XKR4: variants seen among roughly 807,000 people sequenced by gnomAD.
The protein encoded by XKR4 is XK-related protein 4.
A neutral mutation model predicts 53.9 loss-of-function variants in XKR4; 12 were observed. The observed-to-expected ratio is 0.22, with a 90% CI of 0.14 to 0.36. The LOEUF (loss-of-function observed/expected upper bound fraction) is 0.36, where lower values mean the gene tolerates loss of function less well. Ranked by LOEUF, XKR4 falls within the 10% of genes least tolerant of loss-of-function variation. The pLI is 1.00. For missense variants in XKR4, 799 were observed against 859.5 expected, an observed-to-expected ratio of 0.93 and a Z score of 0.88; for synonymous variants, 354 against 362.4, an observed-to-expected ratio of 0.98 and a Z score of 0.26.
At chr8:55,416,310 A>C (rs886145337) in intron 2 of XKR4, among the ~76,000 whole-genome samples, 2 of 152,238 alleles carry the variant, frequency 1.3e-5, no homozygotes, top group African/African-American at 2.4e-5. Flanking sequence ...CGGTGATGTT[A>C]TAGAAGAAAC....
intron 1 of XKR4, among the ~76,000 whole-genome samples, chr8:55,296,985 T>C (rs1819110436): frequency 6.6e-6 from 1 of 152,216 alleles, no homozygotes; most frequent in Non-Finnish European, 1.5e-5. Flanking sequence ...TGCTTAACGA[T>C]TGAGGGTCTC....
At chr8:55,302,134 A>C (rs1458130714) in intron 1 of XKR4, among the ~76,000 whole-genome samples, 2 of 152,216 alleles carry the variant, frequency 1.3e-5, no homozygotes, top group South Asian at 2.1e-4. Flanking sequence ...TTTAGGTCTA[A>C]CATTTAAGTC....
At chr8:55,321,232 A>G (rs1243666309) in intron 1 of XKR4, among the ~76,000 whole-genome samples, 1 of 152,146 alleles carries the variant, frequency 6.6e-6, no homozygotes, top group Non-Finnish European at 1.5e-5. Flanking sequence ...ATTCTTTGTC[A>G]TTAGTTTCAA....
chr8:55,318,325 G>A (rs1318987520), intron 1 of XKR4, among the ~76,000 whole-genome samples: 1 of 152,170 alleles, frequency 6.6e-6, no homozygotes, highest in African/African-American at 2.4e-5. Context: ...ATCAATAAAT[G>A]GTTGTTATGG....
At chr8:55,426,437 G>A (rs2129393014) in intron 2 of XKR4, among the ~76,000 whole-genome samples, 1 of 152,150 alleles carries the variant, frequency 6.6e-6, no homozygotes, top group East Asian at 1.9e-4. Flanking sequence ...TGGGTTTGGT[G>A]CCCTTACTGT....
At chr8:55,434,410 CGTGTGTGTGTGT>C (rs10598891) in intron 2 of XKR4, among the ~76,000 whole-genome samples, 22 of 148,250 alleles carry the variant, frequency 1.5e-4, no homozygotes, top group Non-Finnish European at 2.5e-4. Flanking sequence ...TGATACCAAT[CGTGTGTGTGTGT>C]GTGTGTGTGT....
rs766777072 is a variant in XKR4, at chr8:55,529,687, G to T, written c.*5460G>T. 6.6e-6 allele frequency: 1 copy of T among 152,150 alleles called. No individual in the cohort carries two copies. The highest frequency in any genetic ancestry group is 1.5e-5 in the Non-Finnish European group (1 of 68,040). The allele number at this position is 152,150 out of a possible 1,614,324, so 9.4% of individuals were successfully genotyped here. ...CAGCTTTCAACAACTGCGACTTCTGGGAGCCCAGTGACTCTTCCCACAAAA... is the reference window on the plus strand; with the variant it reads ...CAGCTTTCAACAACTGCGACTTCTGTGAGCCCAGTGACTCTTCCCACAAAA... On this transcript the variant is annotated 3_prime_UTR_variant, in exon 3 of 3. Coordinates refer to ENST00000327381, the MANE Select transcript of XKR4 (RefSeq NM_052898.2).
intron 2 of XKR4, chr8:55,450,197 G>A: frequency 1.5e-6 from 1 of 660,608 alleles, no homozygotes; most frequent in Non-Finnish European, 2.8e-6. Flanking sequence ...TGGTAGCAGG[G>A]CCACACCACA....
chr8:55,126,842 C>G (rs1027405471), intron 1 of XKR4, among the ~76,000 whole-genome samples: 2 of 152,210 alleles, frequency 1.3e-5, no homozygotes, highest in African/African-American at 4.8e-5. Flanking sequence ...TTAGAGAATT[C>G]AAGTGACTTT....
At position 55,539,505 on chromosome 8, in the gene XKR4, G is replaced by C. The variant is rs1387373293; in HGVS notation, c.*15278G>C. ...ATATTTCAAAGCCTTAACATTTCAA[G>C]GTGGTTAATTAATATCTAATGCATG... On this transcript the variant is annotated 3_prime_UTR_variant, in exon 3 of 3. Transcript: ENST00000327381. 8 of 152,086 alleles carry C rather than the reference G, an allele frequency of 5.3e-5. No individual in the cohort carries two copies. Among genetic ancestry groups the C allele is most frequent in the Admixed American group, 5.2e-4 (8 of 15,272 alleles). The allele number at this position is 152,086 out of a possible 1,614,324, so 9.4% of individuals were successfully genotyped here.
chr8:55,365,622 G>T (rs986796181), intron 2 of XKR4, among the ~76,000 whole-genome samples: 4 of 149,840 alleles, frequency 2.7e-5, no homozygotes, highest in East Asian at 2.0e-4. Flanking sequence ...CAGGAGAATC[G>T]CTTGAACCCG....
intron 1 of XKR4, among the ~76,000 whole-genome samples, chr8:55,323,889 A>AT (rs1037000658): frequency 3.7e-4 from 56 of 151,342 alleles, no homozygotes; most frequent in Middle Eastern, 3.4e-3. Context: ...TTGTCTAGCC[A>AT]TTTTTTTTAA....
chr8:55,289,591 G>A (rs555854874), intron 1 of XKR4, among the ~76,000 whole-genome samples: 58 of 67,400 alleles, frequency 8.6e-4, no homozygotes, highest in African/African-American at 3.1e-3. Context: ...AAGAAAGAAA[G>A]AGAAAGAAAG....
At chr8:55,294,965 A>G (rs1819081912) in intron 1 of XKR4, among the ~76,000 whole-genome samples, 1 of 152,200 alleles carries the variant, frequency 6.6e-6, no homozygotes, top group African/African-American at 2.4e-5. Flanking sequence ...AAAAGTATTG[A>G]ACTCATATAT....
chr8:55,142,770 G>C (rs912075652), intron 1 of XKR4, among the ~76,000 whole-genome samples: 2 of 152,190 alleles, frequency 1.3e-5, no homozygotes, highest in Non-Finnish European at 2.9e-5. Context: ...TTGCTGTTTA[G>C]TAAGCTTTTA....
rs1320366086 is a variant in XKR4, at chr8:55,524,982, A to G, written c.*755A>G. On this transcript the variant is annotated 3_prime_UTR_variant, in exon 3 of 3. Transcript: ENST00000327381. The stretch of plus-strand genomic sequence containing the variant: ...GCTTTCAACAAGACCAAGGAGCTCA[A>G]TAACTTCATGATGTAAATTAAATAG... 6.5e-6 allele frequency: 1 copy of G among 152,678 alleles called. No individual in the cohort carries two copies. The highest frequency in any genetic ancestry group is 1.5e-5 in the Non-Finnish European group (1 of 68,052). 9.5% of individuals were successfully genotyped at this position (152,678 alleles called of 1,614,324 possible). A position where few individuals can be genotyped will look rare whatever the true frequency, so the allele number is the denominator to read the frequency against.
rs138014499 is a variant in XKR4, at chr8:55,334,945, C to T, written c.807-22733C>T. On this transcript the variant is annotated intron_variant, in intron 1 of 2. Coordinates refer to ENST00000327381, the MANE Select transcript of XKR4 (RefSeq NM_052898.2). ...GACTTCATACTGTTTCTGGGTCCTTCATCCATAGGCTTTGGATCAGCTCTT... is the reference window on the plus strand; with the variant it reads ...GACTTCATACTGTTTCTGGGTCCTTTATCCATAGGCTTTGGATCAGCTCTT... 1.9e-3 allele frequency among the ~76,000 whole-genome samples: 291 copies of T among 152,298 alleles called. 2 individuals are homozygous for T. The highest frequency in any genetic ancestry group is 6.8e-3 in the African/African-American group (283 of 41,570).
intron 2 of XKR4, among the ~76,000 whole-genome samples, chr8:55,367,941 C>G (rs768240347): frequency 6.6e-6 from 1 of 151,886 alleles, no homozygotes; most frequent in Non-Finnish European, 1.5e-5. Flanking sequence ...CATAGCGATG[C>G]GTTTTGTTTT....
intron 1 of XKR4, among the ~76,000 whole-genome samples, chr8:55,255,817 C>T (rs560264091): frequency 1.3e-5 from 2 of 152,138 alleles, no homozygotes; most frequent in South Asian, 4.2e-4. Context: ...GTGGTCAGAG[C>T]TGGTGCGATA....
Sources: allele counts gnomAD v4.1 joint callset (sites outside exome capture counted in the v4.1 genomes callset), GRCh38; gene constraint gnomAD v4.1.1; transcripts MANE v1.5; gene names NCBI Gene and HGNC (gene_info 2026-07-23, HGNC 2026-07-21).